Variants in CYSTM1 observed in about 807,000 individuals in gnomAD.
The protein encoded by CYSTM1 is cysteine-rich transmembrane module-containing protein 1.
CYSTM1 carries 4 observed loss-of-function variants against 13.1 expected under a neutral mutation model. The ratio of observed to expected loss-of-function variants is 0.31; its 90% CI spans 0.15 to 0.70. CYSTM1 has a LOEUF of 0.70. CYSTM1 is among the 30% of genes least tolerant of loss of function. CYSTM1 has a pLI of 0.72. For missense variants in CYSTM1, 96 were observed against 121.6 expected (o/e 0.79, Z 0.99); for synonymous variants, 36 against 42.7 (o/e 0.84, Z 0.62).
intron 2 of CYSTM1, among the ~76,000 whole-genome samples, chr5:140,216,513 G>A (rs1420374731): frequency 2.0e-5 from 3 of 152,136 alleles, no homozygotes; most frequent in Non-Finnish European, 1.5e-5. Context: ...GCAGATCATC[G>A]CAGTGTTTGA....
chr5:140,206,354 GGAGTATAA>G (rs990831745), intron 2 of CYSTM1, among the ~76,000 whole-genome samples: 54 of 151,636 alleles, frequency 3.6e-4, no homozygotes, highest in African/African-American at 1.2e-3. Flanking sequence ...TCTTCCCACT[GGAGTATAA>G]GCTCCTTGAA....
chr5:140,220,321 C>G (rs1764474921), intron 2 of CYSTM1, among the ~76,000 whole-genome samples: 1 of 152,130 alleles, frequency 6.6e-6, no homozygotes, highest in South Asian at 2.1e-4. Context: ...CTGTGGCAGC[C>G]AGGGCCCATC....
At chr5:140,198,508 A>T (rs1764181543) in intron 2 of CYSTM1, among the ~76,000 whole-genome samples, 1 of 152,218 alleles carries the variant, frequency 6.6e-6, no homozygotes, top group South Asian at 2.1e-4. Context: ...GGTCTAGCTT[A>T]AGCTGCTTTA....
At chr5:140,231,147 A>T (rs1234445078) in intron 2 of CYSTM1, among the ~76,000 whole-genome samples, 3 of 152,136 alleles carry the variant, frequency 2.0e-5, no homozygotes, top group African/African-American at 7.2e-5. Flanking sequence ...AAGTCTTAAA[A>T]TTTTCTTCAC....
At chr5:140,189,769 C>G (rs923530086) in intron 1 of CYSTM1, among the ~76,000 whole-genome samples, 2 of 152,118 alleles carry the variant, frequency 1.3e-5, no homozygotes, top group Non-Finnish European at 2.9e-5. Flanking sequence ...TTTTGGTGGA[C>G]TTACACACTT....
chr5:140,215,186 C>T (rs1764412329), intron 2 of CYSTM1, among the ~76,000 whole-genome samples: 1 of 152,198 alleles, frequency 6.6e-6, no homozygotes, highest in South Asian at 2.1e-4. Context: ...ACTGTCTATA[C>T]TAGTAGAATT....
intron 2 of CYSTM1, among the ~76,000 whole-genome samples, chr5:140,213,055 T>A (rs1163224446): frequency 6.8e-6 from 1 of 146,022 alleles, no homozygotes; most frequent in Non-Finnish European, 1.5e-5. Flanking sequence ...TTTTTTTTTT[T>A]AAGTTAACCA....
intron 2 of CYSTM1, among the ~76,000 whole-genome samples, chr5:140,196,037 T>C (rs1392857794): frequency 4.7e-5 from 7 of 149,484 alleles, no homozygotes; most frequent in African/African-American, 1.7e-4. Flanking sequence ...TGAGACTCCA[T>C]CTCAAAAAAA....
In CYSTM1 at chr5:140,192,402, A is replaced by G. The variant is rs1471287969; in HGVS notation, c.-20-2044A>G. Among the ~76,000 whole-genome samples the G allele has an allele frequency of 2.6e-5, 4 of 152,206 alleles. No homozygotes were observed. The South Asian group carries it at 8.3e-4, about 31-fold the overall frequency. ...TGAATGTCACCCAGAAGGGTTCATT[A>G]CCTTACCTTACCATTGGTTTCCAGG... On this transcript the variant is annotated intron_variant, in intron 1 of 2. Coordinates refer to ENST00000261811, the MANE Select transcript of CYSTM1 (RefSeq NM_032412.4).
intron 1 of CYSTM1, among the ~76,000 whole-genome samples, chr5:140,188,070 CTTT>C (rs71276334): frequency 3.0e-5 from 4 of 133,474 alleles, no homozygotes; most frequent in African/African-American, 2.8e-5. Context: ...TTAATTTTAA[CTTT>C]TTTTTTTTTT....
chr5:140,193,092 A>G (rs1221754104), intron 1 of CYSTM1, among the ~76,000 whole-genome samples: 1 of 152,232 alleles, frequency 6.6e-6, no homozygotes, highest in Non-Finnish European at 1.5e-5. Context: ...TAATAGTGAA[A>G]TTATTACATT....
At chr5:140,202,981 A>C (rs765876728) in intron 2 of CYSTM1, 2 of 142,704 alleles carry the variant, frequency 1.4e-5, no homozygotes, top group Non-Finnish European at 3.1e-5. Context: ...CAAATCCAAA[A>C]AGAAAAAAAA....
At chr5:140,185,506 A>G (rs1764006220) in intron 1 of CYSTM1, among the ~76,000 whole-genome samples, 1 of 152,258 alleles carries the variant, frequency 6.6e-6, no homozygotes, top group Admixed American at 6.5e-5. Context: ...ACAATAATGG[A>G]GTAATACTGC....
At position 140,182,642 on chromosome 5, in the gene CYSTM1, T is replaced by A. The variant is rs542350068; in HGVS notation, c.-21+7357T>A. On this transcript the variant is annotated intron_variant, in intron 1 of 2. Coordinates refer to ENST00000261811, the MANE Select transcript of CYSTM1 (RefSeq NM_032412.4). ...GCAGGAGGGATGCTTTTTTTTTTTT[T>A]AACTCATCAATAACCCAAACTACTT... Among the ~76,000 whole-genome samples the A allele has an allele frequency of 8.0e-4, 122 of 151,722 alleles. No homozygotes were observed. In the South Asian group the frequency reaches 0.02, roughly 25 times the overall value.
rs527450684 is a variant in CYSTM1, at chr5:140,241,453, G to C, written c.188-1852G>C. Among the ~76,000 whole-genome samples, 9 of 152,350 alleles carry C rather than the reference G, an allele frequency of 5.9e-5. No homozygotes were observed. In the South Asian group the frequency reaches 1.7e-3, roughly 28 times the overall value. On this transcript the variant is annotated intron_variant, in intron 2 of 2. Transcript: ENST00000261811. ...CCTCAATAAATGGTAACTTAAGAGA[G>C]CCTGTGAGGCCCCTCCCACTGCAGC...
intron 2 of CYSTM1, among the ~76,000 whole-genome samples, chr5:140,223,658 ATGTGGGGTG>A (rs1561815806): frequency 6.6e-6 from 1 of 152,234 alleles, no homozygotes; most frequent in East Asian, 1.9e-4. Context: ...ACAGAGATCT[ATGTGGGGTG>A]TGGAATAAGA....
At chr5:140,183,154 G>A (rs1581057542) in intron 1 of CYSTM1, among the ~76,000 whole-genome samples, 4 of 152,352 alleles carry the variant, frequency 2.6e-5, no homozygotes, top group Admixed American at 2.6e-4. Flanking sequence ...CAGGGGCTGG[G>A]CTGGCAGGGG....
chr5:140,220,322 A>G (rs966084674), intron 2 of CYSTM1, among the ~76,000 whole-genome samples: 1 of 152,182 alleles, frequency 6.6e-6, no homozygotes, highest in African/African-American at 2.4e-5. Context: ...TGTGGCAGCC[A>G]GGGCCCATCT....
chr5:140,180,139 G>C (rs1404652138), intron 1 of CYSTM1, among the ~76,000 whole-genome samples: 2 of 152,110 alleles, frequency 1.3e-5, no homozygotes, highest in African/African-American at 4.8e-5. Flanking sequence ...TTATTAAGCT[G>C]GTCAGAGACA....
Sources: allele counts gnomAD v4.1 joint callset (sites outside exome capture counted in the v4.1 genomes callset), GRCh38; gene constraint gnomAD v4.1.1; transcripts MANE v1.5; gene names NCBI Gene and HGNC (gene_info 2026-07-23, HGNC 2026-07-21).